The following PDZD8 variants were observed in gnomAD, a reference collection of about 807,000 sequenced individuals.
PDZD8 encodes PDZ domain containing 8, also known as PDZ domain-containing protein 8.
Under a neutral mutation model 85.8 loss-of-function variants are expected in PDZD8, and 14 were observed. The observed-to-expected ratio is 0.16, with a 90% CI of 0.11 to 0.26. The LOEUF (loss-of-function observed/expected upper bound fraction) is 0.26, where lower values mean the gene tolerates loss of function less well. Among genes scored for constraint, PDZD8 ranks in the 10% least tolerant of loss-of-function variants. The pLI, the probability that PDZD8 is intolerant of heterozygous loss-of-function variation, is 1.00. For missense variants in PDZD8, 1,197 were observed against 1,424.3 expected (o/e 0.84, Z 2.57); for synonymous variants, 592 against 568.6 (o/e 1.04, Z -0.59).
At chr10:117,340,355 C>T (rs1844589913) in intron 2 of PDZD8, among the ~76,000 whole-genome samples, 1 of 152,202 alleles carries the variant, frequency 6.6e-6, no homozygotes, top group Non-Finnish European at 1.5e-5. Context: ...CAAGAAACCC[C>T]TATCCTTGAT....
chr10:117,341,275 C>T (rs993156737), intron 1 of PDZD8, among the ~76,000 whole-genome samples, 173 bp from the exon 2 acceptor site: 8 of 152,164 alleles, frequency 5.3e-5, no homozygotes, highest in African/African-American at 1.4e-4. Flanking sequence ...ATGGTGCCTT[C>T]GCTATGGCAC....
chr10:117,374,435 G>A lies in PDZD8; in HGVS notation c.793C>T (p.Pro265Ser), dbSNP rs771689858. 12 of 1,614,142 alleles carry A rather than the reference G, an allele frequency of 7.4e-6. No homozygotes were observed. The African/African-American group carries it at 1.5e-4, about 20-fold the overall frequency. ...TTGACGATGATGGAGGTGAGCTGGG[G>A]CATGGGCCGCCCTTCAAACTGGGAG... ...VRSQFEGRPM[P>S]QLTSIIVNQL... Residue 265 changes from proline (P) to serine (S), a missense_variant, in exon 1 of 5, where the codon CCC (proline) becomes TCC (serine). By Grantham distance (74) the Pro-to-Ser change is moderately conservative (BLOSUM62 -1). Coordinates refer to ENST00000334464, the MANE Select transcript of PDZD8 (RefSeq NM_173791.5). The surrounding 1 kb of genome is among the most constrained non-coding windows in gnomAD (Gnocchi z 7.8).
intron 1 of PDZD8, among the ~76,000 whole-genome samples, chr10:117,353,078 T>C (rs535436996): frequency 6.6e-6 from 1 of 152,300 alleles, no homozygotes; most frequent in South Asian, 2.1e-4. Flanking sequence ...TATAAAGCTG[T>C]ATAATTTCTA....
chr10:117,374,422 G>A lies in PDZD8; in HGVS notation c.806C>T (p.Ser269Phe), dbSNP rs774393509. Reference sequence around the variant, plus strand: ...CTTCTTGAGCTGGTTGACGATGATGGAGGTGAGCTGGGGCATGGGCCGCCC... The same window carrying A: ...CTTCTTGAGCTGGTTGACGATGATGAAGGTGAGCTGGGGCATGGGCCGCCC... ...FEGRPMPQLT[S>F]IIVNQLKKII... The change falls in exon 1 of 5, where the codon TCC becomes TTC. Residue 269 changes from serine (S) to phenylalanine (F), a missense_variant. Physicochemically the swap from Ser to Phe is radical, Grantham distance 155. Coordinates refer to ENST00000334464, the MANE Select transcript of PDZD8 (RefSeq NM_173791.5). The surrounding 1 kb of genome is among the most constrained non-coding windows in gnomAD (Gnocchi z 7.8). The A allele has an allele frequency of 5.6e-6, 9 of 1,614,242 alleles. No homozygotes were observed. In the South Asian group the frequency reaches 8.8e-5, roughly 16 times the overall value.
rs776293915 is a variant in PDZD8, at chr10:117,283,306, T to C, written c.3427A>G (p.Ile1143Val). Residue 1143 changes from isoleucine to valine, a missense_variant, in exon 5 of 5, where the codon ATA becomes GTA. By Grantham distance (29) the Ile-to-Val change is conservative. Around this residue, in one of 4 missense-constraint regions of PDZD8, gnomAD observed 418 missense variants for 571.1 expected, o/e 0.73. Coordinates refer to ENST00000334464, the MANE Select transcript of PDZD8 (RefSeq NM_173791.5). Reference sequence around the variant, plus strand: ...GATGGGCCAAATAAGTCATCTGATATGCTGCTGAATGGCTGAGAGTCTATT... The same window carrying C: ...GATGGGCCAAATAAGTCATCTGATACGCTGCTGAATGGCTGAGAGTCTATT... ...QLIDSQPFSS[I>V]SDDLFGPSES... is the part of the protein sequence containing the mutation. 6.2e-6 allele frequency: 10 copies of C among 1,613,272 alleles called. No homozygotes were observed. In the East Asian group the frequency reaches 8.9e-5, roughly 14 times the overall value.
At position 117,374,667 on chromosome 10, in the gene PDZD8, G is replaced by C. The variant is rs1351597378; in HGVS notation, c.561C>G (p.Pro187=). 6.3e-6 allele frequency: 10 copies of C among 1,588,074 alleles called. No individual in the cohort carries two copies. Among genetic ancestry groups the C allele is most frequent in the Non-Finnish European group, 8.6e-6 (10 of 1,167,372 alleles). Residue 187 remains proline (P), a synonymous_variant, in exon 1 of 5, where the codon CCC becomes CCG. Coordinates refer to ENST00000334464, the MANE Select transcript of PDZD8 (RefSeq NM_173791.5). The surrounding 1 kb of genome is among the most constrained non-coding windows in gnomAD (Gnocchi z 7.8). ...PEGEALPAAC[P]EELAFEAEVE... Reference sequence around the variant, plus strand: ...CCTCCGCCTCGAAGGCCAGCTCCTCGGGGCAGGCGGCGGGCAGCGCCTCCC... The same window carrying C: ...CCTCCGCCTCGAAGGCCAGCTCCTCCGGGCAGGCGGCGGGCAGCGCCTCCC...
rs1844592304 is a variant in PDZD8 at position 117,282,857 on chromosome 10, T to C, written c.*411A>G. ...TTGTCAGTTTGGGCATGCAGCAAAT[T>C]TGTTATAACCATGATGGAAATGAAA... On this transcript the variant is annotated 3_prime_UTR_variant, in exon 5 of 5. Transcript: ENST00000334464. 6.4e-6 allele frequency: 1 copy of C among 156,194 alleles called. No individual in the cohort carries two copies. The highest frequency in any genetic ancestry group is 1.4e-5 in the Non-Finnish European group (1 of 71,054). 9.7% of individuals were successfully genotyped at this position (156,194 alleles called of 1,614,324 possible). A position where few individuals can be genotyped will look rare whatever the true frequency, so the allele number is the denominator to read the frequency against.
rs1461359966 is a variant in PDZD8 at position 117,375,035 on chromosome 10, G to T, written c.193C>A (p.Arg65=). The change falls in exon 1 of 5, where the codon CGG becomes AGG. Residue 65 remains arginine (R), a synonymous_variant. Transcript: ENST00000334464. ...LLREYLYGGG[R]DEEPSGAAPE... is the part of the protein sequence containing the mutation. ...GCCGCTCCGGAGGGCTCCTCATCCC[G>T]GCCGCCGCCATAAAGGTACTCCCTT... The T allele has an allele frequency of 2.5e-6, 4 of 1,591,008 alleles. No homozygotes were observed. In the Admixed American group the frequency reaches 5.2e-5, roughly 21 times the overall value.
At chr10:117,291,773 C>T (rs1172164717) in intron 3 of PDZD8, among the ~76,000 whole-genome samples, 1 of 151,404 alleles carries the variant, frequency 6.6e-6, no homozygotes, top group Non-Finnish European at 1.5e-5. Flanking sequence ...ATCCAATTTT[C>T]AGGAATGTGG....
At chr10:117,318,434 C>T (rs900267083) in intron 3 of PDZD8, among the ~76,000 whole-genome samples, 3 of 152,108 alleles carry the variant, frequency 2.0e-5, no homozygotes, top group Non-Finnish European at 4.4e-5. Flanking sequence ...CAAATCTACC[C>T]CATGTTAGTA....
chr10:117,364,251 C>G (rs542865775), intron 1 of PDZD8, among the ~76,000 whole-genome samples: 6 of 151,596 alleles, frequency 4.0e-5, no homozygotes, highest in Admixed American at 1.3e-4. Flanking sequence ...TAAAAAGAAG[C>G]CACTCTCCTT....
Position 117,357,765 on chromosome 10 carries a change from CCAAAAAAAAAAAAAAAAAA to C in PDZD8, c.872+16572_872+16590del, listed in dbSNP as rs1844921636. Among the ~76,000 whole-genome samples the C allele has an allele frequency of 2.8e-3, 80 of 28,246 alleles. 4 individuals carry two copies. The highest frequency in any genetic ancestry group is 4.2e-3 in the Non-Finnish European group (61 of 14,602). The allele number at this position is 28,246 out of a possible 152,430, so 18.5% of individuals were successfully genotyped here. A position where few individuals can be genotyped will look rare whatever the true frequency, so the allele number is the denominator to read the frequency against. On this transcript the variant is annotated intron_variant, in intron 1 of 4. Coordinates refer to ENST00000334464, the MANE Select transcript of PDZD8 (RefSeq NM_173791.5). ...TGGGCAACAGAGCAAGACTTCATCT[CCAAAAAAAAAAAAAAAAAA>C]AAAAAAAAAAAAAAAAAAAAAAAAA...
intron 3 of PDZD8, among the ~76,000 whole-genome samples, chr10:117,311,626 A>T (rs1026772527): frequency 2.0e-5 from 3 of 152,130 alleles, no homozygotes; most frequent in African/African-American, 7.2e-5. Context: ...GATAGTTAGG[A>T]AAGGTTTCCA....
chr10:117,300,100 CCTCCAGGT>C (rs1183744397), intron 3 of PDZD8, among the ~76,000 whole-genome samples: 1 of 152,114 alleles, frequency 6.6e-6, no homozygotes, highest in African/African-American at 2.4e-5. Flanking sequence ...ACCCTCTCCT[CCTCCAGGT>C]CTCTTTTCAG....
At position 117,344,383 on chromosome 10, in the gene PDZD8, T is replaced by C. The variant is rs192330472; in HGVS notation, c.873-3281A>G. Among the ~76,000 whole-genome samples, 84 of 152,290 alleles carry C rather than the reference T, an allele frequency of 5.5e-4. 1 individual carries two copies. Among genetic ancestry groups the C allele is most frequent in the African/African-American group, 1.8e-3 (76 of 41,550 alleles). ...TGGCAGATTCCACAGTAGACTTCTT[T>C]ACTTTTTATTTTTTATTTTTTTGAG... On this transcript the variant is annotated intron_variant, in intron 1 of 4. Coordinates refer to ENST00000334464, the MANE Select transcript of PDZD8 (RefSeq NM_173791.5).
At chr10:117,304,141 T>C (rs748985543) in intron 3 of PDZD8, among the ~76,000 whole-genome samples, 1 of 152,180 alleles carries the variant, frequency 6.6e-6, no homozygotes, top group Non-Finnish European at 1.5e-5. Flanking sequence ...GATTGTACCC[T>C]GTAAAGCCAC....
chr10:117,284,443 C>T lies in PDZD8; in HGVS notation c.2290G>A (p.Ala764Thr). ...KLRLEAPSPKAIVTRTALRNL... is the reference protein window; with the variant it reads ...KLRLEAPSPKTIVTRTALRNL... ...CGTAGTGCGGTTCTAGTGACTATAG[C>T]CTTAGGTGAGGGGGCTTCCAGTCTC... is the stretch of plus-strand genomic sequence containing the variant. The change falls in exon 5 of 5, where the codon GCT (alanine) becomes ACT (threonine). Residue 764 changes from alanine to threonine, a missense_variant. Ala to Thr is a moderately conservative substitution (Grantham distance 58). Transcript: ENST00000334464. The T allele has an allele frequency of 6.2e-7, 1 of 1,614,088 alleles. No homozygotes were observed. The highest frequency in any genetic ancestry group is 8.5e-7 in the Non-Finnish European group (1 of 1,180,006).
At chr10:117,349,508 T>G (rs1485187942) in intron 1 of PDZD8, among the ~76,000 whole-genome samples, 1 of 152,134 alleles carries the variant, frequency 6.6e-6, no homozygotes, top group Non-Finnish European at 1.5e-5. Context: ...ATCAATTATA[T>G]AAAAATAAGG....
At chr10:117,336,065 A>G (rs1409702276) in intron 2 of PDZD8, among the ~76,000 whole-genome samples, 1 of 152,236 alleles carries the variant, frequency 6.6e-6, no homozygotes, top group Non-Finnish European at 1.5e-5. Context: ...TATCTTGAAG[A>G]TGAGACCCAA....
Sources: gnomAD v4.1 joint callset for allele counts (sites outside exome capture counted in the v4.1 genomes callset) on GRCh38, gnomAD v4.1.1 for gene constraint, gnomAD v4.1.1 regional missense constraint, Gnocchi (gnomAD v3.1) non-coding constraint, MANE v1.5 for transcripts, NCBI Gene and HGNC (gene_info 2026-07-23, HGNC 2026-07-21) for gene names.